Variants in ATP5F1C observed in about 807,000 individuals in gnomAD.
ATP5F1C encodes the protein ATP synthase F1 subunit gamma.
In ATP5F1C, 22 loss-of-function variants were observed where a neutral mutation model predicts 37.4. The ratio of observed to expected loss-of-function variants is 0.59; its 90% CI spans 0.42 to 0.84. The LOEUF (loss-of-function observed/expected upper bound fraction) is 0.84, where lower values mean the gene tolerates loss of function less well. ATP5F1C is among the 40% of genes least tolerant of loss of function. The pLI is 0.00. For synonymous variants in ATP5F1C, 121 were observed against 128.0 expected, an observed-to-expected ratio of 0.95 and a Z score of 0.37; for missense variants, 286 against 362.4, an observed-to-expected ratio of 0.79 and a Z score of 1.71.
chr10:7,797,500 G>A (rs577858090), intron 3 of ATP5F1C, among the ~76,000 whole-genome samples: 15 of 152,260 alleles, frequency 9.9e-5, no homozygotes, highest in Admixed American at 4.6e-4. Flanking sequence ...GTATTTGTTA[G>A]CCATTATACG....
At chr10:7,807,135 A>G in intron 9 of ATP5F1C, 125 bp downstream of exon 9, 1 of 851,468 alleles carries the variant, frequency 1.2e-6, no homozygotes, top group Admixed American at 2.9e-5. Flanking sequence ...ACTTCACAGT[A>G]GCAGCCAACT....
At chr10:7,804,295 C>T (rs1440190899) in intron 8 of ATP5F1C, 1 of 462,226 alleles carries the variant, frequency 2.2e-6, no homozygotes, top group Non-Finnish European at 4.4e-6. Flanking sequence ...ACTCATTCTG[C>T]AGAAACACTC....
In ATP5F1C at chr10:7,800,138, G is replaced by A. The variant is rs748247021; in HGVS notation, c.637+47G>A. 5.8e-6 allele frequency: 9 copies of A among 1,554,284 alleles called. No individual in the cohort carries two copies. In the East Asian group the frequency reaches 2.0e-4, roughly 35 times the overall value. Reference sequence around the variant, plus strand: ...CATATTTTTTGGCATATAGAATGGAGAGATTTGTACACTAAGGCAGACAGT... The same window carrying A: ...CATATTTTTTGGCATATAGAATGGAAAGATTTGTACACTAAGGCAGACAGT... On this transcript the variant is annotated intron_variant, in intron 6 of 9. Coordinates refer to ENST00000356708, the MANE Select transcript of ATP5F1C (RefSeq NM_001001973.3).
intron 8 of ATP5F1C, among the ~76,000 whole-genome samples, chr10:7,805,679 G>A (rs899591283): frequency 4.7e-5 from 7 of 150,468 alleles, no homozygotes; most frequent in African/African-American, 9.8e-5. Flanking sequence ...CCTGGGAGGC[G>A]GAGCTTGCAG....
intron 8 of ATP5F1C, chr10:7,804,037 C>T (rs1836426179): frequency 5.8e-6 from 3 of 515,788 alleles, no homozygotes; most frequent in Non-Finnish European, 1.2e-5. Context: ...TATTTGCCTT[C>T]AGAGAGCTCA....
In ATP5F1C at chr10:7,798,990, C is replaced by G. The variant is rs373595647; in HGVS notation, c.224C>G (p.Ala75Gly). The G allele has an allele frequency of 6.2e-7, 1 of 1,611,366 alleles. No homozygotes were observed. Among genetic ancestry groups the G allele is most frequent in the Admixed American group, 1.7e-5 (1 of 59,840 alleles). The change falls in exon 4 of 10, where the codon GCT (alanine) becomes GGT (glycine). Residue 75 changes from alanine (A) to glycine (G), a missense_variant and splice_region_variant. Coordinates refer to ENST00000356708, the MANE Select transcript of ATP5F1C (RefSeq NM_001001973.3). ...ATTACTGCTTTTGTTTGTTTTTAAG[C>G]TCTGTATGAAAAAGCTGATATCAAG... ...PARIYGLGSL[A>G]LYEKADIKGP...
intron 6 of ATP5F1C, among the ~76,000 whole-genome samples, chr10:7,801,888 G>A (rs1435530275): frequency 1.3e-5 from 2 of 152,030 alleles, no homozygotes; most frequent in Admixed American, 1.3e-4. Context: ...CACTAAATTC[G>A]TTTCAATTCA....
rs567010452 is a variant in ATP5F1C, at chr10:7,790,740, T to C, written c.56+2477T>C. On this transcript the variant is annotated intron_variant, in intron 1 of 9. Transcript: ENST00000356708. Reference sequence around the variant, plus strand: ...TCAGACGGCAGGGATTGAATTCTGATTGCCACTTAGCAGCTCTGTGACCTT... The same window carrying C: ...TCAGACGGCAGGGATTGAATTCTGACTGCCACTTAGCAGCTCTGTGACCTT... Among the ~76,000 whole-genome samples the C allele has an allele frequency of 9.8e-5, 15 of 152,352 alleles. No homozygotes were observed. In the South Asian group the frequency reaches 1.7e-3, roughly 17 times the overall value.
chr10:7,791,135 A>G (rs1836156615), intron 1 of ATP5F1C, among the ~76,000 whole-genome samples: 1 of 152,110 alleles, frequency 6.6e-6, no homozygotes, highest in Admixed American at 6.6e-5. Flanking sequence ...CCCTGTCTGT[A>G]CTAAAAATAC....
In ATP5F1C at chr10:7,797,090, C is replaced by T; in HGVS notation, c.135C>T (p.Thr45=). ...LKSIKNIQKI[T]KSMKMVAAAK... ...CCATCAAAAACATCCAGAAAATTAC[C>T]AAGTCTATGAAAATGGTAGCGGCAG... Residue 45 remains threonine, a synonymous_variant, in exon 3 of 10, where the codon ACC becomes ACT. Coordinates refer to ENST00000356708, the MANE Select transcript of ATP5F1C (RefSeq NM_001001973.3). 1 of 1,613,940 alleles carries T rather than the reference C, an allele frequency of 6.2e-7. No homozygotes were observed. Among genetic ancestry groups the T allele is most frequent in the Non-Finnish European group, 8.5e-7 (1 of 1,179,970 alleles).
At chr10:7,796,947 C>A in intron 2 of ATP5F1C, 100 bp from the exon 3 acceptor site, 1 of 1,297,358 alleles carries the variant, frequency 7.7e-7, no homozygotes, top group East Asian at 2.4e-5. Context: ...TATCTAAGCG[C>A]TCATTATTCT....
chr10:7,794,122 T>C (rs778767664), intron 1 of ATP5F1C, among the ~76,000 whole-genome samples: 9 of 152,238 alleles, frequency 5.9e-5, no homozygotes, highest in Non-Finnish European at 1.3e-4. Flanking sequence ...GTTTATCATT[T>C]TAACCATACA....
At chr10:7,803,295 G>A (rs1041852098) in intron 8 of ATP5F1C, among the ~76,000 whole-genome samples, 5 of 151,720 alleles carry the variant, frequency 3.3e-5, no homozygotes, top group African/African-American at 1.2e-4. Flanking sequence ...CCAAAAGATA[G>A]TATAGCCATC....
chr10:7,805,529 C>G (rs1836457815), intron 8 of ATP5F1C, among the ~76,000 whole-genome samples: 1 of 152,014 alleles, frequency 6.6e-6, no homozygotes, highest in African/African-American at 2.4e-5. Context: ...GGGCGGATCA[C>G]AAGGTCAGGA....
intron 1 of ATP5F1C, among the ~76,000 whole-genome samples, chr10:7,795,089 A>G (rs1174748165): frequency 6.6e-6 from 1 of 152,198 alleles, no homozygotes; most frequent in Non-Finnish European, 1.5e-5. Flanking sequence ...GCTTATAAAC[A>G]TTCATTTCCC....
intron 3 of ATP5F1C, among the ~76,000 whole-genome samples, 174 bp from the exon 4 acceptor site, chr10:7,798,816 C>A (rs1408890944): frequency 6.6e-6 from 1 of 152,262 alleles, no homozygotes; most frequent in Admixed American, 6.5e-5. Flanking sequence ...CAGGCGTGAG[C>A]CACTGTGCCC....
chr10:7,791,240 C>A (rs1468344182), intron 1 of ATP5F1C, among the ~76,000 whole-genome samples: 1 of 151,726 alleles, frequency 6.6e-6, no homozygotes, highest in Non-Finnish European at 1.5e-5. Flanking sequence ...GCGGAGGTTG[C>A]AGTGAGCTGA....
chr10:7,804,270 C>T, intron 8 of ATP5F1C: 1 of 506,994 alleles, frequency 2.0e-6, no homozygotes, highest in Non-Finnish European at 3.9e-6. Flanking sequence ...TAACAAAATC[C>T]ATTCTCTGTT....
chr10:7,805,950 G>A (rs779512684), intron 8 of ATP5F1C, among the ~76,000 whole-genome samples: 1 of 152,068 alleles, frequency 6.6e-6, no homozygotes, highest in Middle Eastern at 3.4e-3. Context: ...GCCAGGCCTG[G>A]TGGCATGTGC....
Sources: gnomAD v4.1 joint callset for allele counts (sites outside exome capture counted in the v4.1 genomes callset) on GRCh38, gnomAD v4.1.1 for gene constraint, MANE v1.5 for transcripts, NCBI Gene and HGNC (gene_info 2026-07-23, HGNC 2026-07-21) for gene names.